Variants in L3MBTL4 observed in about 807,000 individuals in gnomAD.
The protein encoded by L3MBTL4 is L3MBTL histone methyl-lysine binding protein 4.
A neutral mutation model predicts 84.5 loss-of-function variants in L3MBTL4; 70 were observed. The ratio of observed to expected loss-of-function variants is 0.83; its 90% confidence interval spans 0.68 to 1.01. The LOEUF (loss-of-function observed/expected upper bound fraction) is 1.01, where lower values mean the gene tolerates loss of function less well. Among genes scored for constraint, L3MBTL4 ranks in the 50% least tolerant of loss-of-function variants. L3MBTL4 has a pLI of 0.00. For missense variants in L3MBTL4, 715 were observed against 754.8 expected, an observed-to-expected ratio of 0.95 and a Z score of 0.62; for synonymous variants, 274 against 259.8, an observed-to-expected ratio of 1.05 and a Z score of -0.52.
intron 1 of L3MBTL4, among the ~76,000 whole-genome samples, chr18:6,393,664 A>C (rs1007987227): frequency 1.3e-5 from 2 of 152,174 alleles, no homozygotes; most frequent in African/African-American, 4.8e-5. Context: ...AGGGAATCCC[A>C]GTGGCTCTCC....
intron 13 of L3MBTL4, among the ~76,000 whole-genome samples, chr18:6,144,939 C>T (rs1464586628): frequency 6.6e-6 from 1 of 152,156 alleles, no homozygotes; most frequent in African/African-American, 2.4e-5. Flanking sequence ...CACTGCCATC[C>T]TTGGACCTGT....
intron 16 of L3MBTL4, among the ~76,000 whole-genome samples, chr18:6,041,035 A>G (rs2056376978): frequency 6.6e-6 from 1 of 152,250 alleles, no homozygotes; most frequent in African/African-American, 2.4e-5. Flanking sequence ...GCAGTGGCTG[A>G]CACTTTTGAC....
chr18:6,376,073 T>C (rs1037206592), intron 1 of L3MBTL4, among the ~76,000 whole-genome samples: 2 of 152,074 alleles, frequency 1.3e-5, no homozygotes, highest in African/African-American at 4.8e-5. Flanking sequence ...ATGGACTGGG[T>C]CTAGCCCCTC....
chr18:6,056,719 C>T (rs991779219), intron 16 of L3MBTL4, among the ~76,000 whole-genome samples: 2 of 152,078 alleles, frequency 1.3e-5, no homozygotes, highest in Non-Finnish European at 2.9e-5. Flanking sequence ...CAGTTAACTC[C>T]GTGGGTGTCC....
intron 1 of L3MBTL4, among the ~76,000 whole-genome samples, chr18:6,408,675 T>C (rs1414050663): frequency 1.3e-5 from 2 of 151,518 alleles, no homozygotes; most frequent in Non-Finnish European, 2.9e-5. Flanking sequence ...TTTTCTTTTT[T>C]TCTTCTTCTT....
chr18:6,145,577 A>G (rs1237543481), intron 13 of L3MBTL4, among the ~76,000 whole-genome samples: 2 of 148,424 alleles, frequency 1.3e-5, no homozygotes, highest in African/African-American at 2.5e-5. Flanking sequence ...AACCTGATTC[A>G]TTTAGCAAGT....
At chr18:6,175,450 G>A (rs1389292764) in intron 12 of L3MBTL4, among the ~76,000 whole-genome samples, 3 of 152,166 alleles carry the variant, frequency 2.0e-5, no homozygotes, top group African/African-American at 7.2e-5. Flanking sequence ...ATTTCAGGCT[G>A]ATGCTAAGTG....
chr18:6,201,364 T>C (rs905152254), intron 12 of L3MBTL4, among the ~76,000 whole-genome samples: 4 of 152,046 alleles, frequency 2.6e-5, no homozygotes, highest in Non-Finnish European at 4.4e-5. Context: ...CCTTTCCCAG[T>C]GAACGAGAGG....
In L3MBTL4 at chr18:6,020,240, G is replaced by C. The variant is rs150552406; in HGVS notation, c.1445-50678C>G. 3.1e-3 allele frequency among the ~76,000 whole-genome samples: 469 copies of C among 152,196 alleles called. 3 individuals are homozygous for C. The highest frequency in any genetic ancestry group is 0.011 in the African/African-American group (452 of 41,516). On this transcript the variant is annotated intron_variant, in intron 16 of 18. Transcript: ENST00000317931. ...AGCTAGGAATGATTCAGACTAAAGAGGGAAGAGACGTCCAGGCTGAGGTGA... is the reference window on the plus strand; with the variant it reads ...AGCTAGGAATGATTCAGACTAAAGACGGAAGAGACGTCCAGGCTGAGGTGA...
chr18:5,988,462 T>A (rs886422214), intron 16 of L3MBTL4, among the ~76,000 whole-genome samples: 18 of 152,332 alleles, frequency 1.2e-4, no homozygotes, highest in Admixed American at 5.9e-4. Flanking sequence ...TAAGTCTATG[T>A]TTGAATTTAA....
chr18:6,050,771 C>G (rs894697438), intron 16 of L3MBTL4, among the ~76,000 whole-genome samples: 8 of 151,920 alleles, frequency 5.3e-5, no homozygotes, highest in African/African-American at 1.9e-4. Context: ...GAGAGGGAGA[C>G]AAAGCTAAGG....
chr18:6,353,845 G>A (rs949201622), intron 1 of L3MBTL4, among the ~76,000 whole-genome samples: 2 of 151,984 alleles, frequency 1.3e-5, no homozygotes, highest in African/African-American at 4.8e-5. Context: ...TTGTTAAAAT[G>A]TCCATACTAC....
chr18:6,195,842 A>T (rs536601462), intron 12 of L3MBTL4, among the ~76,000 whole-genome samples: 5 of 152,194 alleles, frequency 3.3e-5, no homozygotes, highest in African/African-American at 1.2e-4. Context: ...GGTTTTTCAC[A>T]ACTCTTTGCA....
At chr18:6,000,537 C>A (rs912195209) in intron 16 of L3MBTL4, among the ~76,000 whole-genome samples, 2 of 151,968 alleles carry the variant, frequency 1.3e-5, no homozygotes, top group Non-Finnish European at 2.9e-5. Flanking sequence ...TTAAAAAGAA[C>A]TTAAAAAACA....
intron 5 of L3MBTL4, among the ~76,000 whole-genome samples, chr18:6,252,417 T>A (rs1029386959): frequency 1.4e-4 from 21 of 148,874 alleles, no homozygotes; most frequent in Admixed American, 1.0e-3. Context: ...GTGTTTTCAT[T>A]TTTTATCAAA....
At chr18:6,218,220 T>C (rs1213986043) in intron 10 of L3MBTL4, among the ~76,000 whole-genome samples, 3 of 152,210 alleles carry the variant, frequency 2.0e-5, no homozygotes, top group African/African-American at 4.8e-5. Flanking sequence ...GGGCTCATGT[T>C]GTTCTCTCAC....
rs180867832 is a variant in L3MBTL4, at chr18:6,127,102, G to A, written c.1199+11092C>T. On this transcript the variant is annotated intron_variant, in intron 14 of 18. Coordinates refer to ENST00000317931, the MANE Select transcript of L3MBTL4 (RefSeq NM_001330559.2). ...GCCTTTGGGAACCCTTTTGAACACA[G>A]TGTTTCAATCAGCCACTGTAAATTC... Among the ~76,000 whole-genome samples the A allele has an allele frequency of 1.6e-3, 238 of 152,308 alleles. 2 individuals carry two copies. Among genetic ancestry groups the A allele is most frequent in the African/African-American group, 5.5e-3 (228 of 41,566 alleles).
intron 4 of L3MBTL4, among the ~76,000 whole-genome samples, chr18:6,285,194 G>A (rs1006539536): frequency 2.0e-5 from 3 of 152,228 alleles, no homozygotes; most frequent in Non-Finnish European, 4.4e-5. Context: ...GGAGGCAGCC[G>A]GATGGTGGAG....
At chr18:6,020,951 G>A (rs1168257339) in intron 16 of L3MBTL4, among the ~76,000 whole-genome samples, 2 of 152,298 alleles carry the variant, frequency 1.3e-5, no homozygotes, top group East Asian at 3.9e-4. Flanking sequence ...GACTGGGAGA[G>A]AAGAGAGCTC....
Sources: gnomAD v4.1 joint callset for allele counts (sites outside exome capture counted in the v4.1 genomes callset) on GRCh38, gnomAD v4.1.1 for gene constraint, MANE v1.5 for transcripts, NCBI Gene and HGNC (gene_info 2026-07-23, HGNC 2026-07-21) for gene names.